Variants in SAMSN1 observed in about 807,000 individuals in gnomAD.
The protein encoded by SAMSN1 is SAM domain-containing protein SAMSN-1.
Under a neutral mutation model 42.0 loss-of-function variants are expected in SAMSN1, and 31 were observed. The ratio of observed to expected loss-of-function variants is 0.74; its 90% CI spans 0.55 to 1.00. The LOEUF is 1.00. Ranked by LOEUF, SAMSN1 falls within the 50% of genes least tolerant of loss-of-function variation. The pLI, the probability that SAMSN1 is intolerant of heterozygous loss-of-function variation, is 0.00. For missense variants in SAMSN1, 464 were observed against 439.4 expected (o/e 1.06, Z -0.50); for synonymous variants, 178 against 151.9 (o/e 1.17, Z -1.26).
At chr21:14,579,999 T>C (rs1354055086) in intron 2 of SAMSN1, among the ~76,000 whole-genome samples, 1 of 152,154 alleles carries the variant, frequency 6.6e-6, no homozygotes, top group African/African-American at 2.4e-5. Flanking sequence ...GCAGGATGTG[T>C]TTCATGGATA....
At chr21:14,489,583 T>C (rs943178629) in intron 7 of SAMSN1, among the ~76,000 whole-genome samples, 2 of 152,136 alleles carry the variant, frequency 1.3e-5, no homozygotes, top group African/African-American at 2.4e-5. Context: ...AATTATTAAA[T>C]AATTTGAATA....
chr21:14,633,702 G>T (rs1274427727), intron 2 of SAMSN1, among the ~76,000 whole-genome samples: 1 of 152,144 alleles, frequency 6.6e-6, no homozygotes, highest in South Asian at 2.1e-4. Context: ...GTTTTGTGCT[G>T]GTGCCCTCTA....
intron 2 of SAMSN1, among the ~76,000 whole-genome samples, chr21:14,575,470 C>T (rs938085961): frequency 2.0e-5 from 3 of 152,140 alleles, no homozygotes; most frequent in Non-Finnish European, 4.4e-5. Context: ...ATGATGCTTT[C>T]TTTTCCATAA....
chr21:14,520,043 A>G (rs1978351349), intron 2 of SAMSN1, among the ~76,000 whole-genome samples: 1 of 152,250 alleles, frequency 6.6e-6, no homozygotes, highest in South Asian at 2.1e-4. Context: ...TAGATATACT[A>G]ATAGTTCCTA....
At chr21:14,530,439 T>TA (rs945621295) in intron 1 of SAMSN1, among the ~76,000 whole-genome samples, 14 of 152,004 alleles carry the variant, frequency 9.2e-5, no homozygotes, top group Admixed American at 2.6e-4. Context: ...CACTGGATGA[T>TA]AAAAAATGTG....
intron 2 of SAMSN1, among the ~76,000 whole-genome samples, chr21:14,578,964 C>T (rs1240531436): frequency 6.6e-6 from 1 of 152,056 alleles, no homozygotes; most frequent in Non-Finnish European, 1.5e-5. Context: ...AACACTGCCT[C>T]CTTTACATTC....
At chr21:14,626,490 A>G (rs889181288) in intron 2 of SAMSN1, among the ~76,000 whole-genome samples, 1 of 152,248 alleles carries the variant, frequency 6.6e-6, no homozygotes. Context: ...GACACTTCTC[A>G]AAAGAAGACA....
intron 6 of SAMSN1, 58 bp from the exon 7 acceptor site, chr21:14,498,650 C>A: frequency 7.2e-7 from 1 of 1,381,756 alleles, no homozygotes; most frequent in Non-Finnish European, 9.7e-7. Context: ...ATTTTTAGTT[C>A]TCTTTAGATT....
intron 5 of SAMSN1, among the ~76,000 whole-genome samples, chr21:14,503,244 A>C (rs1399488740): frequency 6.6e-6 from 1 of 152,158 alleles, no homozygotes; most frequent in Non-Finnish European, 1.5e-5. Context: ...TTAAAAAAAA[A>C]GATTAAGGCC....
At chr21:14,615,863 CAAAAAAAAAAA>C (rs34255188) in intron 3 of SAMSN1, 4 of 116,474 alleles carry the variant, frequency 3.4e-5, no homozygotes, top group East Asian at 1.7e-4. Flanking sequence ...ATGACAGCTG[CAAAAAAAAAAA>C]AAAAAAAAAA....
chr21:14,522,390 G>A (rs1978552995), intron 1 of SAMSN1, among the ~76,000 whole-genome samples: 1 of 152,124 alleles, frequency 6.6e-6, no homozygotes, highest in South Asian at 2.1e-4. Context: ...TAAATCCCGA[G>A]ACTATTTTCT....
At chr21:14,615,863 CAAAAAAAAAA>C (rs34255188) in intron 3 of SAMSN1, 6 of 116,452 alleles carry the variant, frequency 5.2e-5, no homozygotes, top group South Asian at 2.4e-4. Context: ...ATGACAGCTG[CAAAAAAAAAA>C]AAAAAAAAAA....
At chr21:14,537,240 C>G (rs1230390264) in intron 1 of SAMSN1, among the ~76,000 whole-genome samples, 1 of 152,222 alleles carries the variant, frequency 6.6e-6, no homozygotes, top group East Asian at 1.9e-4. Context: ...ACTTGCTCTT[C>G]CCTCTGCCCA....
At chr21:14,633,745 C>T (rs899522574) in intron 2 of SAMSN1, among the ~76,000 whole-genome samples, 26 of 152,142 alleles carry the variant, frequency 1.7e-4, no homozygotes, top group Non-Finnish European at 3.2e-4. Flanking sequence ...TGGTCAATAG[C>T]GTGCATATCC....
At chr21:14,534,720 A>G (rs1487439036) in intron 1 of SAMSN1, among the ~76,000 whole-genome samples, 1 of 152,170 alleles carries the variant, frequency 6.6e-6, no homozygotes, top group Non-Finnish European at 1.5e-5. Context: ...GGAAGCATAC[A>G]TATGGTAATT....
chr21:14,649,478 C>T (rs112584820), intron 1 of SAMSN1, among the ~76,000 whole-genome samples: 4 of 151,858 alleles, frequency 2.6e-5, no homozygotes, highest in Admixed American at 6.6e-5. Context: ...AATTAAAGCA[C>T]ATACAGACTG....
rs1199453535 is a variant in SAMSN1 at position 14,612,874 on chromosome 21, A to G, written c.235+2T>C. Reference sequence around the variant, plus strand: ...ACACTTGTAACCTTAGGAATCACTAACCAAATATTTTATTTTCAGACATAA... The same window carrying G: ...ACACTTGTAACCTTAGGAATCACTAGCCAAATATTTTATTTTCAGACATAA... On this transcript the variant is annotated splice_donor_variant, in intron 4 of 15. Transcript: ENST00000647101. LOFTEE classifies it high-confidence loss of function. 1 of 707,286 alleles carries G rather than the reference A, an allele frequency of 1.4e-6. No homozygotes were observed. The highest frequency in any genetic ancestry group is 1.5e-5 in the South Asian group (1 of 66,414). 43.8% of individuals were successfully genotyped at this position (707,286 alleles called of 1,614,324 possible). A position where few individuals can be genotyped will look rare whatever the true frequency, so the allele number is the denominator to read the frequency against.
intron 5 of SAMSN1, among the ~76,000 whole-genome samples, chr21:14,503,634 G>A (rs1455190172): frequency 2.0e-5 from 3 of 152,142 alleles, no homozygotes. Flanking sequence ...ATATCACCAG[G>A]AGAAAGGTCT....
At chr21:14,531,147 T>C (rs1192379136) in intron 1 of SAMSN1, among the ~76,000 whole-genome samples, 1 of 152,092 alleles carries the variant, frequency 6.6e-6, no homozygotes, top group Non-Finnish European at 1.5e-5. Flanking sequence ...AAGATGATGG[T>C]TTAAAAAAGC....
Sources: gnomAD v4.1 joint callset for allele counts (sites outside exome capture counted in the v4.1 genomes callset) on GRCh38, gnomAD v4.1.1 for gene constraint, MANE v1.5 for transcripts, NCBI Gene and HGNC (gene_info 2026-07-23, HGNC 2026-07-21) for gene names.